XPO6: variants seen among roughly 807,000 people sequenced by gnomAD.
XPO6 encodes the protein exportin 6, also known as exportin-6.
A neutral mutation model predicts 130.0 loss-of-function variants in XPO6; 3 were observed. That is an observed-to-expected ratio of 0.02 (90% CI 0.01 to 0.06). The LOEUF is 0.06. Among genes scored for constraint, XPO6 ranks in the 10% least tolerant of loss-of-function variants. The probability of loss-of-function intolerance (pLI) is 1.00; values close to 1 mark genes in which losing one functional copy is unlikely to be tolerated. For missense variants in XPO6, 970 were observed against 1,393.0 expected (o/e 0.70, Z 4.83); for synonymous variants, 524 against 548.9 (o/e 0.95, Z 0.63).
intron 12 of XPO6, among the ~76,000 whole-genome samples, chr16:28,129,236 C>T (rs900758515): frequency 6.6e-6 from 1 of 152,170 alleles, no homozygotes; most frequent in African/African-American, 2.4e-5. Context: ...GCAATAAATA[C>T]CCCAAATCAA....
chr16:28,159,128 G>A (rs1330969420), intron 6 of XPO6, among the ~76,000 whole-genome samples: 1 of 152,074 alleles, frequency 6.6e-6, no homozygotes, highest in East Asian at 1.9e-4. Flanking sequence ...TACTCAGGAG[G>A]CTGAAGTGGG....
At chr16:28,144,017 T>C (rs1302721712) in intron 9 of XPO6, among the ~76,000 whole-genome samples, 1 of 152,218 alleles carries the variant, frequency 6.6e-6, no homozygotes. Context: ...TATGAAGGAA[T>C]ATCTACCACT....
At chr16:28,112,794 A>G in intron 16 of XPO6, 110 bp downstream of exon 16, 1 of 1,384,040 alleles carries the variant, frequency 7.2e-7, no homozygotes, top group Non-Finnish European at 9.8e-7. Flanking sequence ...CTATGCTGGT[A>G]CAGCCTGTAA....
At chr16:28,161,141 G>T (rs546779885) in intron 6 of XPO6, among the ~76,000 whole-genome samples, 4 of 152,300 alleles carry the variant, frequency 2.6e-5, no homozygotes, top group Non-Finnish European at 1.5e-5. Flanking sequence ...ATTAAAGTCT[G>T]ATGAATAGTC....
chr16:28,126,075 T>G (rs1432176650), intron 12 of XPO6, among the ~76,000 whole-genome samples: 2 of 152,144 alleles, frequency 1.3e-5, no homozygotes, highest in Non-Finnish European at 1.5e-5. Flanking sequence ...GACAGAGTTG[T>G]GGGAAGGGGC....
chr16:28,136,595 A>G (rs539049333), intron 9 of XPO6, among the ~76,000 whole-genome samples: 1 of 152,316 alleles, frequency 6.6e-6, no homozygotes, highest in African/African-American at 2.4e-5. Flanking sequence ...TAGAAACTAA[A>G]AAGAGCCTGG....
Position 28,134,021 on chromosome 16 carries a change from TG to T in XPO6, c.1444-89del, listed in dbSNP as rs551951961. The T allele has an allele frequency of 6.1e-4, 820 of 1,342,682 alleles. 8 individuals carry two copies. The African/African-American group carries it at 0.011, about 18-fold the overall frequency. The allele number at this position is 1,342,682 out of a possible 1,614,324, so 83.2% of individuals were successfully genotyped here. On this transcript the variant is annotated intron_variant, in intron 10 of 23. Transcript: ENST00000304658. ...AAGACCACTCTCAGACATAAAATTT[TG>T]AAGAAATGGAAAATGATGGAACCAG...
chr16:28,121,345 A>C (rs888999437), intron 14 of XPO6, among the ~76,000 whole-genome samples: 5 of 152,146 alleles, frequency 3.3e-5, no homozygotes, highest in African/African-American at 4.8e-5. Context: ...TAGTCCCAAC[A>C]CACCTATCCA....
At chr16:28,174,048 TG>T (rs1305159738) in intron 4 of XPO6, among the ~76,000 whole-genome samples, 1 of 152,080 alleles carries the variant, frequency 6.6e-6, no homozygotes, top group Non-Finnish European at 1.5e-5. Context: ...CTGTCTCCAG[TG>T]GGCTTCCCTG....
At chr16:28,107,439 C>A (rs2086810486) in intron 18 of XPO6, 83 bp downstream of exon 18, 1 of 1,515,170 alleles carries the variant, frequency 6.6e-7, no homozygotes, top group East Asian at 2.3e-5. Context: ...ACTGCACCGA[C>A]TCAGTGTGTT....
chr16:28,117,274 G>C, intron 15 of XPO6, 44 bp downstream of exon 15: 1 of 1,609,116 alleles, frequency 6.2e-7, no homozygotes, highest in East Asian at 2.2e-5. Flanking sequence ...CAGAAGGAGA[G>C]ACAGAGAGTT....
intron 17 of XPO6, among the ~76,000 whole-genome samples, chr16:28,108,106 A>G (rs983957319): frequency 6.6e-6 from 1 of 152,188 alleles, no homozygotes; most frequent in Non-Finnish European, 1.5e-5. Context: ...GGACGGACAC[A>G]TGCAGCTCAA....
chr16:28,137,110 A>G (rs920740530), intron 9 of XPO6, among the ~76,000 whole-genome samples: 1 of 152,200 alleles, frequency 6.6e-6, no homozygotes, highest in Admixed American at 6.5e-5. Context: ...ACATTCCCAG[A>G]ACTAGTATCG....
chr16:28,198,698 A>G (rs1303311665), intron 1 of XPO6, among the ~76,000 whole-genome samples: 2 of 152,122 alleles, frequency 1.3e-5, no homozygotes, highest in African/African-American at 4.8e-5. Context: ...TTTAAAAAAT[A>G]AATTGTTGGT....
At chr16:28,121,575 G>T in intron 14 of XPO6, 95 bp downstream of exon 14, 1 of 918,958 alleles carries the variant, frequency 1.1e-6, no homozygotes. Flanking sequence ...CTGATTCATG[G>T]CAGCCACTAC....
intron 6 of XPO6, 92 bp downstream of exon 6, chr16:28,166,416 C>T: frequency 7.2e-7 from 1 of 1,392,026 alleles, no homozygotes; most frequent in Admixed American, 2.0e-5. Flanking sequence ...ACCTCAGCCT[C>T]CTCAGTACTG....
intron 21 of XPO6, among the ~76,000 whole-genome samples, chr16:28,103,678 A>C (rs1001223699): frequency 6.6e-6 from 1 of 152,006 alleles, no homozygotes; most frequent in Non-Finnish European, 1.5e-5. Context: ...GGGAGGCGCA[A>C]ACACTTGAGT....
At position 28,156,167 on chromosome 16, in the gene XPO6, C is replaced by T. The variant is rs759900160; in HGVS notation, c.1004G>A (p.Arg335His). 5.0e-6 allele frequency: 8 copies of T among 1,608,244 alleles called. No homozygotes were observed. Among genetic ancestry groups the T allele is most frequent in the Admixed American group, 3.3e-5 (2 of 59,994 alleles). ...VPMEFEEYLL[R>H]MFQQTFYLLQ... is the part of the protein sequence containing the mutation. Reference sequence around the variant, plus strand: ...GAGGTAGAAAGTCTGCTGGAACATACGCAGTAAATACTCCTCAAATTCCAT... The same window carrying T: ...GAGGTAGAAAGTCTGCTGGAACATATGCAGTAAATACTCCTCAAATTCCAT... The change falls in exon 7 of 24, where the codon CGT becomes CAT. Residue 335 changes from arginine to histidine, a missense_variant. Physicochemically the swap from Arg to His is conservative, Grantham distance 29. Coordinates refer to ENST00000304658, the MANE Select transcript of XPO6 (RefSeq NM_015171.4).
intron 9 of XPO6, among the ~76,000 whole-genome samples, chr16:28,143,686 G>A (rs1037031052): frequency 1.3e-5 from 2 of 152,092 alleles, no homozygotes; most frequent in African/African-American, 4.8e-5. Context: ...GCCTAGGCTG[G>A]AGTCCAGTGG....
Sources: allele counts gnomAD v4.1 joint callset (sites outside exome capture counted in the v4.1 genomes callset), GRCh38; gene constraint gnomAD v4.1.1; transcripts MANE v1.5; gene names NCBI Gene and HGNC (gene_info 2026-07-23, HGNC 2026-07-21).